Variants in THRAP3 observed in about 807,000 individuals in gnomAD.
THRAP3 encodes the protein thyroid hormone receptor associated protein 3.
In THRAP3, 16 loss-of-function variants were observed where a neutral mutation model predicts 101.0. That is an observed-to-expected ratio of 0.16 (90% CI 0.11 to 0.24). THRAP3 has a LOEUF of 0.24. Ranked by LOEUF, THRAP3 falls within the 10% of genes least tolerant of loss-of-function variation. The probability of loss-of-function intolerance (pLI) is 1.00; values close to 1 mark genes in which losing one functional copy is unlikely to be tolerated. For missense variants in THRAP3, 989 were observed against 1,202.7 expected (o/e 0.82, Z 2.63); for synonymous variants, 407 against 422.6 (o/e 0.96, Z 0.45).
At chr1:36,281,053 G>A (rs1016620246) in intron 2 of THRAP3, among the ~76,000 whole-genome samples, 4 of 150,738 alleles carry the variant, frequency 2.7e-5, no homozygotes, top group African/African-American at 9.8e-5. Context: ...AGCTTCCTGA[G>A]TAGCTGGGAT....
chr1:36,303,445 G>T (rs10752587), intron 11 of THRAP3, among the ~76,000 whole-genome samples: 143,917 of 152,206 alleles, frequency 0.95, 68,582 homozygotes, highest in Middle Eastern at 1. Flanking sequence ...AGGGTAGATA[G>T]GAGAATTAAA....
chr1:36,213,334 G>C, the THRAP3 span, among the ~76,000 whole-genome samples: 21 of 152,218 alleles, frequency 1.4e-4, no homozygotes, highest in African/African-American at 4.6e-4. Flanking sequence ...TCTTATCATA[G>C]CCAACACTTC....
chr1:36,234,603 T>A (rs1411942909), intron 1 of THRAP3, among the ~76,000 whole-genome samples: 2 of 152,148 alleles, frequency 1.3e-5, no homozygotes, highest in South Asian at 4.1e-4. Flanking sequence ...AGGGATGCAC[T>A]TCTTGGGTTT....
At chr1:36,297,325 A>C (rs967850456) in intron 9 of THRAP3, among the ~76,000 whole-genome samples, 4 of 152,148 alleles carry the variant, frequency 2.6e-5, no homozygotes, top group Non-Finnish European at 5.9e-5. Flanking sequence ...GTTTCTGTTT[A>C]CGTTTTTGAA....
intron 8 of THRAP3, among the ~76,000 whole-genome samples, chr1:36,294,674 G>A (rs547459087): frequency 6.6e-6 from 1 of 152,238 alleles, no homozygotes; most frequent in Admixed American, 6.5e-5. Flanking sequence ...GATGAGAGGC[G>A]CTTCTGGGCA....
At chr1:36,283,627 TCAGA>T (rs1453096748) in intron 3 of THRAP3, among the ~76,000 whole-genome samples, 1 of 147,798 alleles carries the variant, frequency 6.8e-6, no homozygotes, top group East Asian at 2.0e-4. Context: ...GCTGTTTATT[TCAGA>T]TGAGTATCTA....
At chr1:36,253,781 G>GTTTTTTTTTTTTTTTTTTTTTTTTTTT (rs1353553825) in intron 1 of THRAP3, among the ~76,000 whole-genome samples, 74 of 35,118 alleles carry the variant, frequency 2.1e-3, no homozygotes, top group East Asian at 4.2e-3. Context: ...TTTTTTTTTA[G>GTTTTTTTTTTTTTTTTTTTTTTTTTTT]TTTTTGTAGA....
chr1:36,269,981 G>GA (rs1449969149), intron 2 of THRAP3, among the ~76,000 whole-genome samples: 2 of 152,162 alleles, frequency 1.3e-5, no homozygotes, highest in East Asian at 3.8e-4. Flanking sequence ...TTTTGACCAA[G>GA]AATACAGTCT....
chr1:36,289,631 C>G lies in THRAP3; in HGVS notation c.1612C>G (p.Pro538Ala), dbSNP rs201031052. The G allele has an allele frequency of 1.2e-6, 2 of 1,614,180 alleles. No homozygotes were observed. Among genetic ancestry groups the G allele is most frequent in the East Asian group, 2.2e-5 (1 of 44,884 alleles). ...CCAGGAGAAAAGCTCATCACCTCCC[C>G]CAAGAAAGACCTCTGAGAGCCGAGA... ...AVQEKSSSPP[P>A]RKTSESRDKL... The change falls in exon 5 of 12, where the codon CCA becomes GCA. Residue 538 changes from proline to alanine, a missense_variant. Coordinates refer to ENST00000354618, the MANE Select transcript of THRAP3 (RefSeq NM_005119.4).
chr1:36,250,687 G>C (rs1231269273), intron 1 of THRAP3, among the ~76,000 whole-genome samples: 4 of 151,150 alleles, frequency 2.6e-5, no homozygotes, highest in Non-Finnish European at 2.9e-5. Context: ...TGAAGCGGGC[G>C]GATCACTTGA....
intron 5 of THRAP3, among the ~76,000 whole-genome samples, chr1:36,291,000 G>A (rs183996860): frequency 1.2e-4 from 18 of 152,192 alleles, no homozygotes; most frequent in African/African-American, 4.3e-4. Context: ...TGATTGAAAT[G>A]GAGTCTTGAA....
At chr1:36,293,972 G>GAGTGCGTTGGGCATGAACTTGACAGAA (rs1384047662) in intron 8 of THRAP3, 37 bp downstream of exon 8, 1 of 1,596,316 alleles carries the variant, frequency 6.3e-7, no homozygotes, top group East Asian at 2.2e-5. Context: ...CCAACAAAAT[G>GAGTGCGTTGGGCATGAACTTGACAGAA]AGTGCGTTGG....
At chr1:36,241,095 T>C (rs1645150263) in intron 1 of THRAP3, among the ~76,000 whole-genome samples, 1 of 148,530 alleles carries the variant, frequency 6.7e-6, no homozygotes, top group Non-Finnish European at 1.5e-5. Flanking sequence ...TAGTCCCAGC[T>C]ACTTGGGAGG....
the THRAP3 span, among the ~76,000 whole-genome samples, chr1:36,209,869 C>T: frequency 1.3e-5 from 2 of 152,122 alleles, no homozygotes; most frequent in African/African-American, 2.4e-5. Context: ...GGGGACATCC[C>T]AACTGCAAAA....
chr1:36,232,652 T>C (rs1380343540), intron 1 of THRAP3, among the ~76,000 whole-genome samples: 2 of 152,188 alleles, frequency 1.3e-5, no homozygotes, highest in East Asian at 1.9e-4. Flanking sequence ...TGAGTTAATA[T>C]GGGAATAAGT....
At chr1:36,302,426 C>G (rs1316969632) in intron 11 of THRAP3, among the ~76,000 whole-genome samples, 1 of 152,214 alleles carries the variant, frequency 6.6e-6, no homozygotes, top group Non-Finnish European at 1.5e-5. Context: ...TCTAGGGTTG[C>G]TGCTGCTGGA....
Position 36,305,008 on chromosome 1 carries a change from T to C in THRAP3, c.*991T>C. The C allele has an allele frequency of 4.8e-6, 1 of 210,474 alleles. No individual in the cohort carries two copies. 13.0% of individuals were successfully genotyped at this position (210,474 alleles called of 1,614,324 possible). A position where few individuals can be genotyped will look rare whatever the true frequency, so the allele number is the denominator to read the frequency against. ...TTCAGGGGTTTTTTTGGGTTTCTTT[T>C]TTTTTTTCTTTGTCTTTTTAACCTT... is the stretch of plus-strand genomic sequence containing the variant. On this transcript the variant is annotated 3_prime_UTR_variant, in exon 12 of 12. Coordinates refer to ENST00000354618, the MANE Select transcript of THRAP3 (RefSeq NM_005119.4).
rs560594034 is a variant in THRAP3 at position 36,266,775 on chromosome 1, C to T, written c.-32+7291C>T. ...AAGTACAGTCAGAGAAGGTAGGTGG[C>T]CAAGTCCCTGGACAGTTGATACCTA... On this transcript the variant is annotated intron_variant, in intron 2 of 11. Coordinates refer to ENST00000354618, the MANE Select transcript of THRAP3 (RefSeq NM_005119.4). Among the ~76,000 whole-genome samples, 5 of 152,250 alleles carry T rather than the reference C, an allele frequency of 3.3e-5. No homozygotes were observed. In the South Asian group the frequency reaches 8.3e-4, roughly 25 times the overall value.
the THRAP3 span, among the ~76,000 whole-genome samples, chr1:36,215,289 C>A: frequency 2.0e-5 from 3 of 152,174 alleles, no homozygotes; most frequent in African/African-American, 7.2e-5. Flanking sequence ...ATCCAATCTC[C>A]TCAATCTGGA....
Sources: allele counts gnomAD v4.1 joint callset (sites outside exome capture counted in the v4.1 genomes callset), GRCh38; gene constraint gnomAD v4.1.1; transcripts MANE v1.5; gene names NCBI Gene and HGNC (gene_info 2026-07-23, HGNC 2026-07-21).